ZBED1: variants seen among roughly 807,000 people sequenced by gnomAD.
ZBED1 encodes E3 SUMO-protein ligase ZBED1.
ZBED1 carries 19 observed loss-of-function variants against 49.7 expected under a neutral mutation model. The observed-to-expected ratio is 0.38, with a 90% CI of 0.27 to 0.56. The LOEUF (loss-of-function observed/expected upper bound fraction) is 0.56. ZBED1 is among the 20% of genes least tolerant of loss of function. The probability of loss-of-function intolerance (pLI) is 0.70; values close to 1 mark genes in which losing one functional copy is unlikely to be tolerated. For missense variants in ZBED1, 806 were observed against 972.6 expected, an observed-to-expected ratio of 0.83 and a Z score of 2.28; for synonymous variants, 439 against 440.3, an observed-to-expected ratio of 1.00 and a Z score of 0.04.
At chrX:2,491,302 TC>T (rs1301857330) in intron 1 of ZBED1, among the ~76,000 whole-genome samples, 2 of 152,180 alleles carry the variant, frequency 1.3e-5, no homozygotes, top group African/African-American at 4.8e-5. Context: ...ACTCCTGACT[TC>T]AGGTGATCCA....
chrX:2,495,254 G>A (rs1021685520), intron 1 of ZBED1, among the ~76,000 whole-genome samples: 4 of 151,270 alleles, frequency 2.6e-5, no homozygotes, highest in African/African-American at 7.3e-5. Flanking sequence ...AGGACGTGAA[G>A]CAAAGGTTTA....
At chrX:2,492,472 C>T (rs1241960240) in intron 1 of ZBED1, among the ~76,000 whole-genome samples, 3 of 151,072 alleles carry the variant, frequency 2.0e-5, no homozygotes, top group Non-Finnish European at 1.5e-5. Context: ...AACAGTGGCC[C>T]GCAGAAAGAT....
At chrX:2,491,831 A>G (rs751457346) in intron 1 of ZBED1, among the ~76,000 whole-genome samples, 1 of 152,326 alleles carries the variant, frequency 6.6e-6, no homozygotes, top group Non-Finnish European at 1.5e-5. Context: ...AACATCAGGC[A>G]GTCGGTGTGG....
intron 1 of ZBED1, among the ~76,000 whole-genome samples, chrX:2,497,647 G>A (rs1194088122): frequency 1.3e-5 from 2 of 152,166 alleles, no homozygotes; most frequent in African/African-American, 4.8e-5. Flanking sequence ...GGAATATTCT[G>A]TGGCCTATTA....
At position 2,489,603 on chromosome X, in the gene ZBED1, C is replaced by T. The variant is rs778292006; in HGVS notation, c.1117G>A (p.Gly373Arg). 1.4e-5 allele frequency: 22 copies of T among 1,612,510 alleles called. No homozygotes were observed. The highest frequency in any genetic ancestry group is 1.9e-4 in the Middle Eastern group (1 of 5,144). The change falls in exon 2 of 2, where the codon GGG becomes AGG. Residue 373 changes from glycine to arginine, a missense_variant. Physicochemically the swap from Gly to Arg is moderately radical, Grantham distance 125. Around this residue, in one of 2 missense-constraint regions of ZBED1, gnomAD observed 749 missense variants for 861.3 expected, o/e 0.87. Coordinates refer to ENST00000652001, the MANE Select transcript of ZBED1 (RefSeq NM_001171136.2). ...RLKEQQFVIA[G>R]VLVEDSNNHH... is the part of the protein sequence containing the mutation. ...TTGTTGCTGTCCTCCACCAAGACCC[C>T]GGCGATGACGAACTGCTGCTCCTTG...
Position 2,489,372 on chromosome X carries a change from C to T in ZBED1, c.1348G>A (p.Val450Ile), listed in dbSNP as rs373175869. 2.5e-6 allele frequency: 4 copies of T among 1,613,840 alleles called. No individual in the cohort carries two copies. The highest frequency in any genetic ancestry group is 3.4e-6 in the Non-Finnish European group (4 of 1,179,860). The change falls in exon 2 of 2, where the codon GTC becomes ATC. Residue 450 changes from valine (V) to isoleucine (I), a missense_variant. By Grantham distance (29) the Val-to-Ile change is conservative. Transcript: ENST00000652001. ...GTCTTGGAAAGCTCCTTGGCGATGA[C>T]CTCCTTGGCCATGCTGAGCTCCTTG... ...DSKELSMAKE[V>I]IAKELSKTYQ...
chrX:2,489,610 G>A lies in ZBED1; in HGVS notation c.1110C>T (p.Val370=), dbSNP rs1393805301. The part of the protein sequence containing the change: ...MLQRLKEQQF[V]IAGVLVEDSN... ...TGTCCTCCACCAAGACCCCGGCGAT[G>A]ACGAACTGCTGCTCCTTGAGGCGCT... The change falls in exon 2 of 2, where the codon GTC becomes GTT. Residue 370 remains valine (V), a synonymous_variant. Coordinates refer to ENST00000652001, the MANE Select transcript of ZBED1 (RefSeq NM_001171136.2). 6.2e-7 allele frequency: 1 copy of A among 1,612,692 alleles called. No individual in the cohort carries two copies. The highest frequency in any genetic ancestry group is 1.7e-5 in the Admixed American group (1 of 60,020).
At position 2,490,179 on chromosome X, in the gene ZBED1, G is replaced by A. The variant is rs1439479599; in HGVS notation, c.541C>T (p.Arg181Trp). 4 of 1,613,822 alleles carry A rather than the reference G, an allele frequency of 2.5e-6. No individual in the cohort carries two copies. In the African/African-American group the frequency reaches 4.0e-5, roughly 16 times the overall value. Residue 181 changes from arginine (R) to tryptophan (W), a missense_variant, in exon 2 of 2, where the codon CGG (arginine) becomes TGG (tryptophan). Coordinates refer to ENST00000652001, the MANE Select transcript of ZBED1 (RefSeq NM_001171136.2). Reference sequence around the variant, plus strand: ...GCCAGCTCCTTCAGGATCACCTCCCGGACGGCCCCGTACTTCTCAGGGATG... The same window carrying A: ...GCCAGCTCCTTCAGGATCACCTCCCAGACGGCCCCGTACTTCTCAGGGATG... ...KAIPEKYGAV[R>W]EVILKELAEA...
At chrX:2,497,456 C>G (rs2045312841) in intron 1 of ZBED1, among the ~76,000 whole-genome samples, 1 of 152,106 alleles carries the variant, frequency 6.6e-6, no homozygotes, top group Non-Finnish European at 1.5e-5. Flanking sequence ...CTAATAGCCA[C>G]TGTTCACTAC....
Position 2,490,056 on chromosome X carries a change from CGCCCAG to C in ZBED1, c.658_663del (p.Leu220_Gly221del), listed in dbSNP as rs1453099792. The C allele has an allele frequency of 6.2e-7, 1 of 1,613,578 alleles. No individual in the cohort carries two copies. The highest frequency in any genetic ancestry group is 8.5e-7 in the Non-Finnish European group (1 of 1,179,872). On this transcript the variant is annotated inframe_deletion, in exon 2 of 2. Coordinates refer to ENST00000652001, the MANE Select transcript of ZBED1 (RefSeq NM_001171136.2). Reference sequence around the variant, plus strand: ...GAGCCCATGGACAGGCAGTTGGGGGCGCCCAGGCCCAGGAAGTGGGCGGCCAGCGTG... The same window carrying C: ...GAGCCCATGGACAGGCAGTTGGGGGCGCCCAGGAAGTGGGCGGCCAGCGTG...
At position 2,488,016 on chromosome X, in the gene ZBED1, A is replaced by G. The variant is rs1181608667; in HGVS notation, c.*619T>C. ...TCTAAACCCTCCCAGGGAGAACTCGAATCAGACATGGTGGAGGTCTTAAGT... is the reference window on the plus strand; with the variant it reads ...TCTAAACCCTCCCAGGGAGAACTCGGATCAGACATGGTGGAGGTCTTAAGT... On this transcript the variant is annotated 3_prime_UTR_variant, in exon 2 of 2. Transcript: ENST00000652001. 6.6e-6 allele frequency: 1 copy of G among 151,700 alleles called. No individual in the cohort carries two copies. The highest frequency in any genetic ancestry group is 6.6e-5 in the Admixed American group (1 of 15,218). The allele number at this position is 151,700 out of a possible 1,614,324, so 9.4% of individuals were successfully genotyped here. A position where few individuals can be genotyped will look rare whatever the true frequency, so the allele number is the denominator to read the frequency against.
intron 1 of ZBED1, among the ~76,000 whole-genome samples, chrX:2,497,039 T>C (rs189150378): frequency 6.6e-6 from 1 of 152,268 alleles, no homozygotes; most frequent in African/African-American, 2.4e-5. Context: ...TTATTGACTG[T>C]TATAATCCAC....
chrX:2,490,575 T>A lies in ZBED1; in HGVS notation c.145A>T (p.Ile49Phe), dbSNP rs1325640325. 1 of 1,613,968 alleles carries A rather than the reference T, an allele frequency of 6.2e-7. No homozygotes were observed. Among genetic ancestry groups the A allele is most frequent in the Admixed American group, 1.7e-5 (1 of 60,010 alleles). ...ILQWKKIYCR[I>F]CMAQIAYSGN... ...GAGTAGGCGATCTGGGCCATGCAGATGCGGCAGTAGATTTTCTTCCACTGC... is the reference window on the plus strand; with the variant it reads ...GAGTAGGCGATCTGGGCCATGCAGAAGCGGCAGTAGATTTTCTTCCACTGC... Residue 49 changes from isoleucine (I) to phenylalanine (F), a missense_variant, in exon 2 of 2, where the codon ATC becomes TTC. Transcript: ENST00000652001.
intron 1 of ZBED1, among the ~76,000 whole-genome samples, chrX:2,494,593 G>C (rs1026057732): frequency 6.6e-6 from 1 of 151,818 alleles, no homozygotes; most frequent in Non-Finnish European, 1.5e-5. Flanking sequence ...GCTGAAAAAG[G>C]TTCTGGCACT....
chrX:2,499,659 C>A (rs2045364751), intron 1 of ZBED1, among the ~76,000 whole-genome samples: 1 of 152,132 alleles, frequency 6.6e-6, no homozygotes, highest in Non-Finnish European at 1.5e-5. Context: ...GTAAACCCAG[C>A]ACTTTGGGGG....
intron 1 of ZBED1, among the ~76,000 whole-genome samples, chrX:2,499,604 C>T (rs1569351877): frequency 1.3e-5 from 2 of 151,658 alleles, no homozygotes; most frequent in South Asian, 2.1e-4. Flanking sequence ...GATGCCATCT[C>T]TACAAAAAAT....
Position 2,486,705 on chromosome X carries a change from T to C in ZBED1, c.*1930A>G, listed in dbSNP as rs944620059. Reference sequence around the variant, plus strand: ...AGCAACCCCAAAGCCTGCCCCACTGTGTCCCTTCCAGCTGCCCTTCTGCCG... The same window carrying C: ...AGCAACCCCAAAGCCTGCCCCACTGCGTCCCTTCCAGCTGCCCTTCTGCCG... On this transcript the variant is annotated 3_prime_UTR_variant, in exon 2 of 2. Coordinates refer to ENST00000652001, the MANE Select transcript of ZBED1 (RefSeq NM_001171136.2). 39 of 152,404 alleles carry C rather than the reference T, an allele frequency of 2.6e-4. No homozygotes were observed. The highest frequency in any genetic ancestry group is 9.1e-4 in the African/African-American group (38 of 41,580). The allele number at this position is 152,404 out of a possible 1,614,324, so 9.4% of individuals were successfully genotyped here.
At chrX:2,498,615 C>T (rs910511489) in intron 1 of ZBED1, among the ~76,000 whole-genome samples, 1 of 125,650 alleles carries the variant, frequency 8.0e-6, no homozygotes, top group African/African-American at 2.9e-5. Context: ...GTTGTTTAAT[C>T]AGTAAATGGG....
At position 2,490,325 on chromosome X, in the gene ZBED1, C is replaced by A. The variant is rs2045101358; in HGVS notation, c.395G>T (p.Gly132Val). 5 of 1,613,176 alleles carry A rather than the reference C, an allele frequency of 3.1e-6. No individual in the cohort carries two copies. Among genetic ancestry groups the A allele is most frequent in the Non-Finnish European group, 4.2e-6 (5 of 1,179,816 alleles). ...TGGGTACAGCCCCTCGCAGATGAGGCCCAGCACGGCGGCCGTCAGCTCCTG... is the reference window on the plus strand; with the variant it reads ...TGGGTACAGCCCCTCGCAGATGAGGACCAGCACGGCGGCCGTCAGCTCCTG... ...KQQELTAAVL[G>V]LICEGLYPAS... The change falls in exon 2 of 2, where the codon GGC becomes GTC. Residue 132 changes from glycine (G) to valine (V), a missense_variant. Coordinates refer to ENST00000652001, the MANE Select transcript of ZBED1 (RefSeq NM_001171136.2).
Sources: allele counts gnomAD v4.1 joint callset (sites outside exome capture counted in the v4.1 genomes callset), GRCh38; gene constraint gnomAD v4.1.1; regional missense constraint gnomAD v4.1.1; transcripts MANE v1.5; gene names NCBI Gene and HGNC (gene_info 2026-07-23, HGNC 2026-07-21).